TMEM132B: variants seen among roughly 807,000 people sequenced by gnomAD.
TMEM132B encodes transmembrane protein 132B.
In TMEM132B, 18 loss-of-function variants were observed where a neutral mutation model predicts 90.8. The observed-to-expected ratio is 0.20, with a 90% CI of 0.14 to 0.29. The LOEUF (loss-of-function observed/expected upper bound fraction) is 0.29, where lower values mean the gene tolerates loss of function less well. Among genes scored for constraint, TMEM132B ranks in the 10% least tolerant of loss-of-function variants. The pLI is 1.00. For synonymous variants in TMEM132B, 504 were observed against 523.3 expected (o/e 0.96, Z 0.50); for missense variants, 1,096 against 1,326.8 (o/e 0.83, Z 2.70).
At chr12:125,278,626 G>A (rs1201308572) in intron 1 of TMEM132B, among the ~76,000 whole-genome samples, 1 of 152,002 alleles carries the variant, frequency 6.6e-6, no homozygotes, top group Non-Finnish European at 1.5e-5. Flanking sequence ...GATGGGGTGG[G>A]AATGAGCGAG....
At chr12:125,500,639 G>C (rs1484571807) in intron 3 of TMEM132B, among the ~76,000 whole-genome samples, 1 of 152,160 alleles carries the variant, frequency 6.6e-6, no homozygotes, top group African/African-American at 2.4e-5. Flanking sequence ...AAATGGAAGG[G>C]GAAGAATTTT....
At chr12:125,355,516 A>G (rs190477773) in intron 2 of TMEM132B, among the ~76,000 whole-genome samples, 3 of 152,248 alleles carry the variant, frequency 2.0e-5, no homozygotes, top group Admixed American at 2.0e-4. Context: ...ATTGTTGCAG[A>G]GGTTGTGGCT....
In TMEM132B at chr12:125,277,108, T is replaced by C. The variant is rs1875012429; in HGVS notation, c.68-72344T>C. Among the ~76,000 whole-genome samples the C allele has an allele frequency of 6.6e-6, 1 of 151,940 alleles. No individual in the cohort carries two copies. The highest frequency in any genetic ancestry group is 1.5e-5 in the Non-Finnish European group (1 of 67,984). The stretch of plus-strand genomic sequence containing the variant: ...TGAACATGACCTAGTTGGGAAAGAG[T>C]GTCTTTGCATATGTGGTCAAGTTAA... On this transcript the variant is annotated intron_variant, in intron 1 of 8. Transcript: ENST00000682704. This position sits in a 1 kb window ranked among gnomAD's most constrained non-coding sequence, Gnocchi z 4.3.
At chr12:125,243,947 A>G (rs1351017202) in intron 1 of TMEM132B, among the ~76,000 whole-genome samples, 1 of 151,526 alleles carries the variant, frequency 6.6e-6, no homozygotes, top group Non-Finnish European at 1.5e-5. Flanking sequence ...CCTGCCCACC[A>G]CTAACCTCCT....
intron 3 of TMEM132B, among the ~76,000 whole-genome samples, chr12:125,437,336 G>T (rs572561236): frequency 6.6e-6 from 1 of 152,170 alleles, no homozygotes. Context: ...TAAACAAAAG[G>T]GATGGACTTT....
At chr12:125,566,597 C>T (rs1037028613) in intron 4 of TMEM132B, among the ~76,000 whole-genome samples, 1 of 152,060 alleles carries the variant, frequency 6.6e-6, no homozygotes, top group South Asian at 2.1e-4. Flanking sequence ...TTCTGTTCAG[C>T]GTTTAGCACC....
intron 3 of TMEM132B, among the ~76,000 whole-genome samples, chr12:125,468,261 G>A (rs556778792): frequency 6.6e-6 from 1 of 151,812 alleles, no homozygotes; most frequent in Admixed American, 6.5e-5. Flanking sequence ...CCACATCCTT[G>A]TCAATATTTT....
chr12:125,643,068 G>A (rs977818847), intron 5 of TMEM132B, among the ~76,000 whole-genome samples: 3 of 152,170 alleles, frequency 2.0e-5, no homozygotes, highest in Non-Finnish European at 4.4e-5. Context: ...CAAATAGGCA[G>A]TTGGGCACGT....
At chr12:125,345,187 C>G (rs1267682287) in intron 1 of TMEM132B, among the ~76,000 whole-genome samples, 2 of 152,190 alleles carry the variant, frequency 1.3e-5, no homozygotes, top group African/African-American at 4.8e-5. Flanking sequence ...ACTTTCCACA[C>G]CTGGCTCTCG....
intron 2 of TMEM132B, among the ~76,000 whole-genome samples, chr12:125,358,014 G>C (rs1255860062): frequency 1.3e-5 from 2 of 152,200 alleles, no homozygotes; most frequent in Admixed American, 1.3e-4. Flanking sequence ...CTATGTAGTG[G>C]TCTTTGATTG....
chr12:125,469,748 G>C (rs1016713813), intron 3 of TMEM132B, among the ~76,000 whole-genome samples: 2 of 152,200 alleles, frequency 1.3e-5, no homozygotes, highest in Non-Finnish European at 1.5e-5. Flanking sequence ...ACAGTTGCCT[G>C]GTAGTTGTTG....
chr12:125,564,114 CAGCTGTGA>C (rs1457404658), intron 4 of TMEM132B, among the ~76,000 whole-genome samples: 4 of 152,234 alleles, frequency 2.6e-5, no homozygotes, highest in Non-Finnish European at 5.9e-5. Flanking sequence ...TGATATAATA[CAGCTGTGA>C]AGACAAAAAT....
intron 1 of TMEM132B, among the ~76,000 whole-genome samples, chr12:125,337,885 TTC>T (rs1465442292): frequency 3.3e-5 from 5 of 152,322 alleles, no homozygotes; most frequent in African/African-American, 1.2e-4. Flanking sequence ...CTTGATCTCC[TTC>T]CCCAAAGTCC....
chr12:125,553,449 C>G (rs1884290204), intron 4 of TMEM132B, among the ~76,000 whole-genome samples: 1 of 152,148 alleles, frequency 6.6e-6, no homozygotes, highest in Non-Finnish European at 1.5e-5. Flanking sequence ...CCAGGCCTGT[C>G]TGGGGTGTTA....
At chr12:125,334,068 C>T (rs1042551461) in intron 1 of TMEM132B, among the ~76,000 whole-genome samples, 1 of 151,960 alleles carries the variant, frequency 6.6e-6, no homozygotes, top group Non-Finnish European at 1.5e-5. Flanking sequence ...TTCTGGGGCC[C>T]CTCTTTCAAC....
In TMEM132B at chr12:125,655,746, T is replaced by C. The variant is rs1175953083; in HGVS notation, c.*1036T>C. ...TGACCTACACAGAAAGGAAATTGCC[T>C]AGGCAATAGATGCAGATTACACTTT... On this transcript the variant is annotated 3_prime_UTR_variant, in exon 9 of 9. Transcript: ENST00000682704. 1 of 152,262 alleles carries C rather than the reference T, an allele frequency of 6.6e-6. No individual in the cohort carries two copies. Among genetic ancestry groups the C allele is most frequent in the Middle Eastern group, 3.4e-3 (1 of 294 alleles). 9.4% of individuals were successfully genotyped at this position (152,262 alleles called of 1,614,324 possible).
At position 125,255,422 on chromosome 12, in the gene TMEM132B, TTCTG is replaced by T. The variant is rs1408681078; in HGVS notation, c.67+68560_67+68563del. Among the ~76,000 whole-genome samples the T allele has an allele frequency of 2.6e-5, 4 of 152,178 alleles. 1 individual carries two copies. The highest frequency in any genetic ancestry group is 9.7e-5 in the African/African-American group (4 of 41,442). ...GCTGTAGGCTTTAGGCAATTATCAG[TTCTG>T]TCTTTGATTCTGTTCAAGGTGACTG... On this transcript the variant is annotated intron_variant, in intron 1 of 8. Transcript: ENST00000682704.
chr12:125,661,042 T>C lies in TMEM132B; in HGVS notation c.*6332T>C, dbSNP rs545534482. On this transcript the variant is annotated 3_prime_UTR_variant, in exon 9 of 9. Coordinates refer to ENST00000682704, the MANE Select transcript of TMEM132B (RefSeq NM_001366854.1). ...GAAATAACTTTTGACCTGACACATCTTTCTGTACTTCCTGTGGCCAAAAAA... is the reference window on the plus strand; with the variant it reads ...GAAATAACTTTTGACCTGACACATCCTTCTGTACTTCCTGTGGCCAAAAAA... 9.8e-5 allele frequency: 15 copies of C among 152,356 alleles called. No individual in the cohort carries two copies. The highest frequency in any genetic ancestry group is 9.8e-4 in the Admixed American group (15 of 15,310). The allele number at this position is 152,356 out of a possible 1,614,324, so 9.4% of individuals were successfully genotyped here. A position where few individuals can be genotyped will look rare whatever the true frequency, so the allele number is the denominator to read the frequency against.
chr12:125,402,400 C>T (rs1879346159), intron 2 of TMEM132B, among the ~76,000 whole-genome samples: 1 of 152,180 alleles, frequency 6.6e-6, no homozygotes, highest in Non-Finnish European at 1.5e-5. Context: ...TGGTCCTGAA[C>T]TCCTCACCTC....
Sources: allele counts gnomAD v4.1 joint callset (sites outside exome capture counted in the v4.1 genomes callset), GRCh38; gene constraint gnomAD v4.1.1; non-coding constraint Gnocchi (gnomAD v3.1); transcripts MANE v1.5; gene names NCBI Gene and HGNC (gene_info 2026-07-23, HGNC 2026-07-21).